The following CPQ variants were observed in gnomAD, a reference collection of about 807,000 sequenced individuals.
The protein encoded by CPQ is Ser-Met dipeptidase.
A neutral mutation model predicts 45.7 loss-of-function variants in CPQ; 37 were observed. That is an observed-to-expected ratio of 0.81 (90% CI 0.62 to 1.07). The LOEUF (loss-of-function observed/expected upper bound fraction) is 1.07. Among genes scored for constraint, CPQ ranks in the 50% least tolerant of loss-of-function variants. The pLI, the probability that CPQ is intolerant of heterozygous loss-of-function variation, is 0.00. For missense variants in CPQ, 537 were observed against 572.9 expected (o/e 0.94, Z 0.64); for synonymous variants, 186 against 205.8 (o/e 0.90, Z 0.82).
At chr8:96,736,052 G>C (rs190559496) in intron 1 of CPQ, among the ~76,000 whole-genome samples, 4 of 152,028 alleles carry the variant, frequency 2.6e-5, no homozygotes, top group African/African-American at 9.6e-5. Flanking sequence ...ACTCAACACA[G>C]GGCTACAGGT....
chr8:96,730,113 G>A (rs1342719762), intron 1 of CPQ, among the ~76,000 whole-genome samples: 1 of 152,194 alleles, frequency 6.6e-6, no homozygotes, highest in African/African-American at 2.4e-5. Flanking sequence ...CTTCCCAGCA[G>A]GGCTGACAGA....
intron 3 of CPQ, among the ~76,000 whole-genome samples, chr8:96,836,493 CA>C (rs1811532951): frequency 6.6e-6 from 1 of 152,094 alleles, no homozygotes; most frequent in South Asian, 2.1e-4. Flanking sequence ...TTAGAGGTTT[CA>C]AGACTAGTGA....
chr8:96,999,471 A>G (rs1809232908), intron 5 of CPQ, among the ~76,000 whole-genome samples: 1 of 151,966 alleles, frequency 6.6e-6, no homozygotes, highest in African/African-American at 2.4e-5. Context: ...GCTCCCACTT[A>G]TAAGTGAGAA....
intron 1 of CPQ, among the ~76,000 whole-genome samples, chr8:96,722,341 G>A (rs1009572414): frequency 1.2e-4 from 19 of 152,110 alleles, no homozygotes; most frequent in Non-Finnish European, 2.9e-5. Context: ...GCAGGAGTTG[G>A]CAAACTATGG....
At chr8:96,834,840 G>A in intron 2 of CPQ, 133 bp from the exon 3 acceptor site, 1 of 667,972 alleles carries the variant, frequency 1.5e-6, no homozygotes, top group Non-Finnish European at 2.4e-6. Flanking sequence ...ATGGTAAATG[G>A]CTCTAAAACT....
At chr8:97,123,124 TAAATAAAATAAAATAAAATAAAATAAATA>T (rs1382634072) in intron 7 of CPQ, among the ~76,000 whole-genome samples, 4,632 of 48,530 alleles carry the variant, frequency 0.095, 707 homozygotes, top group East Asian at 0.38. Flanking sequence ...TAAAATAAAA[TAAATAAAATAAAATAAAATAAAATAAATA>T]AAATAAAATA....
intron 6 of CPQ, among the ~76,000 whole-genome samples, chr8:97,043,889 C>T (rs965380299): frequency 3.9e-5 from 6 of 152,278 alleles, no homozygotes; most frequent in African/African-American, 9.6e-5. Context: ...GTGGGTAACC[C>T]GACCTTTCTC....
chr8:96,684,935 TA>T (rs111289419), intron 1 of CPQ, among the ~76,000 whole-genome samples: 3,781 of 145,038 alleles, frequency 0.026, 157 homozygotes, highest in African/African-American at 0.087. Context: ...CCATCTCTAC[TA>T]AAAAAAAAAA....
At chr8:97,117,508 T>C (rs1004823632) in intron 7 of CPQ, among the ~76,000 whole-genome samples, 3 of 152,050 alleles carry the variant, frequency 2.0e-5, no homozygotes. Context: ...TCATGACAAT[T>C]TCTTTATTAT....
intron 1 of CPQ, among the ~76,000 whole-genome samples, chr8:96,661,813 A>G (rs1438094067): frequency 6.6e-6 from 1 of 152,250 alleles, no homozygotes. Context: ...AAAGAATGCC[A>G]TTGCTGGATT....
chr8:96,722,719 C>A (rs556905973), intron 1 of CPQ, among the ~76,000 whole-genome samples: 2 of 152,156 alleles, frequency 1.3e-5, no homozygotes, highest in South Asian at 4.1e-4. Flanking sequence ...CTCTCTCATG[C>A]AAATTTCTTT....
At chr8:96,797,472 AT>A (rs1206693995) in intron 2 of CPQ, among the ~76,000 whole-genome samples, 1 of 152,240 alleles carries the variant, frequency 6.6e-6, no homozygotes, top group Non-Finnish European at 1.5e-5. Flanking sequence ...TACCAATAGC[AT>A]TGTGGTCCTC....
intron 3 of CPQ, among the ~76,000 whole-genome samples, chr8:96,848,407 A>G (rs1563512195): frequency 6.6e-6 from 1 of 152,230 alleles, no homozygotes; most frequent in Non-Finnish European, 1.5e-5. Context: ...GAGCCACCAA[A>G]TACTACAAAC....
intron 3 of CPQ, among the ~76,000 whole-genome samples, chr8:96,850,692 C>T (rs571806349): frequency 6.6e-6 from 1 of 151,878 alleles, no homozygotes; most frequent in South Asian, 2.1e-4. Context: ...TCACCACAAC[C>T]TCTGTCTCCA....
chr8:96,817,885 G>A (rs1056964389), intron 2 of CPQ, among the ~76,000 whole-genome samples: 1 of 152,050 alleles, frequency 6.6e-6, no homozygotes, highest in African/African-American at 2.4e-5. Flanking sequence ...AAATTGCTGG[G>A]ATTACAGCAA....
In CPQ at chr8:96,966,077, G is replaced by A. The variant is rs76308991; in HGVS notation, c.961+31G>A. The A allele has an allele frequency of 2.0e-3, 2,960 of 1,475,750 alleles. 52 individuals are homozygous for A. In the African/African-American group the frequency reaches 0.036, roughly 18 times the overall value. 91.4% of individuals were successfully genotyped at this position (1,475,750 alleles called of 1,614,324 possible). ...TATTTAGAAAATTGTTAACTAATGT[G>A]TGAGGATCTCAGTGACATGTTTAAC... On this transcript the variant is annotated intron_variant, in intron 5 of 7. Coordinates refer to ENST00000220763, the MANE Select transcript of CPQ (RefSeq NM_016134.4).
intron 2 of CPQ, among the ~76,000 whole-genome samples, chr8:96,800,510 C>A (rs1341182258): frequency 6.6e-6 from 1 of 151,922 alleles, no homozygotes; most frequent in Non-Finnish European, 1.5e-5. Context: ...TGTACAGACC[C>A]CTAAAGGTAC....
intron 2 of CPQ, among the ~76,000 whole-genome samples, chr8:96,820,790 C>A (rs1811292233): frequency 6.6e-6 from 1 of 151,996 alleles, no homozygotes; most frequent in Admixed American, 6.6e-5. Context: ...GCAGATATCT[C>A]TTTGATGTAT....
At chr8:96,948,478 G>T (rs1047298455) in intron 4 of CPQ, among the ~76,000 whole-genome samples, 1 of 151,896 alleles carries the variant, frequency 6.6e-6, no homozygotes, top group Non-Finnish European at 1.5e-5. Flanking sequence ...ATTGATTTCT[G>T]TGTCATTCCA....
Sources: gnomAD v4.1 joint callset for allele counts (sites outside exome capture counted in the v4.1 genomes callset) on GRCh38, gnomAD v4.1.1 for gene constraint, MANE v1.5 for transcripts, NCBI Gene and HGNC (gene_info 2026-07-23, HGNC 2026-07-21) for gene names.